PCNX4: variants seen among roughly 807,000 people sequenced by gnomAD.
The protein encoded by PCNX4 is pecanex-like protein 4.
A neutral mutation model predicts 107.2 loss-of-function variants in PCNX4; 103 were observed. The observed-to-expected ratio is 0.96, with a 90% CI of 0.82 to 1.13. The LOEUF (loss-of-function observed/expected upper bound fraction) is 1.13, where lower values mean the gene tolerates loss of function less well. Ranked by LOEUF, PCNX4 falls within the 50% of genes most tolerant of loss-of-function variation. The pLI is 0.00. For synonymous variants in PCNX4, 541 were observed against 481.7 expected (o/e 1.12, Z -1.61); for missense variants, 1,528 against 1,379.4 (o/e 1.11, Z -1.71).
In PCNX4 at chr14:60,141,800, G is replaced by C. The variant is rs1896308950; in HGVS notation, c.*7579G>C. The C allele has an allele frequency of 6.6e-6, 1 of 152,264 alleles. No individual in the cohort carries two copies. Among genetic ancestry groups the C allele is most frequent in the East Asian group, 1.9e-4 (1 of 5,188 alleles). The allele number at this position is 152,264 out of a possible 1,614,324, so 9.4% of individuals were successfully genotyped here. A position where few individuals can be genotyped will look rare whatever the true frequency, so the allele number is the denominator to read the frequency against. On this transcript the variant is annotated 3_prime_UTR_variant, in exon 11 of 11. Coordinates refer to ENST00000406854, the MANE Select transcript of PCNX4 (RefSeq NM_001330177.2). ...TGTTGATGGACATTTGTTGGTTCCA[G>C]TTTTGGGCTATTATGTAAAGCTGCT...
chr14:60,113,416 T>C (rs1189576919), intron 2 of PCNX4, among the ~76,000 whole-genome samples: 1 of 152,200 alleles, frequency 6.6e-6, no homozygotes, highest in Non-Finnish European at 1.5e-5. Flanking sequence ...TTGCCCAGGC[T>C]GGAGTGCAAT....
In PCNX4 at chr14:60,125,756, A is replaced by G. The variant is rs1042539355; in HGVS notation, c.3200A>G (p.Glu1067Gly). 1 of 1,611,892 alleles carries G rather than the reference A, an allele frequency of 6.2e-7. No homozygotes were observed. Among genetic ancestry groups the G allele is most frequent in the African/African-American group, 1.3e-5 (1 of 74,808 alleles). ...TGGTACATTGGTTTGGTATCTGATGAAAAGTGGAAGGAAGCAATTTTACAA... is the reference window on the plus strand; with the variant it reads ...TGGTACATTGGTTTGGTATCTGATGGAAAGTGGAAGGAAGCAATTTTACAA... ...RDWYIGLVSD[E>G]KWKEAILQEK... Residue 1067 changes from glutamate (E) to glycine (G), a missense_variant, in exon 10 of 11, where the codon GAA becomes GGA. Glu to Gly is a moderately conservative substitution (Grantham distance 98, BLOSUM62 -2). Coordinates refer to ENST00000406854, the MANE Select transcript of PCNX4 (RefSeq NM_001330177.2).
intron 10 of PCNX4, among the ~76,000 whole-genome samples, chr14:60,129,526 C>T (rs1896116677): frequency 6.6e-6 from 1 of 152,148 alleles, no homozygotes; most frequent in African/African-American, 2.4e-5. Context: ...GCACTCCATC[C>T]TAGGTGATGG....
chr14:60,132,021 A>G (rs1896163318), intron 10 of PCNX4, among the ~76,000 whole-genome samples: 1 of 152,224 alleles, frequency 6.6e-6, no homozygotes, highest in African/African-American at 2.4e-5. Flanking sequence ...TGCAACAATT[A>G]TTACCACAAA....
At chr14:60,107,525 T>A in intron 1 of PCNX4, 61 bp from the exon 2 acceptor site, 1 of 917,524 alleles carries the variant, frequency 1.1e-6, no homozygotes, top group East Asian at 2.6e-5. Context: ...TGTGAGGTTT[T>A]TCCTCATAGG....
At chr14:60,121,007 C>T (rs1895942585) in intron 7 of PCNX4, among the ~76,000 whole-genome samples, 189 bp from the exon 8 acceptor site, 1 of 151,982 alleles carries the variant, frequency 6.6e-6, no homozygotes, top group African/African-American at 2.4e-5. Flanking sequence ...TCCAACTGCT[C>T]TTGTAAAGAG....
At chr14:60,114,355 T>C (rs1368965485) in intron 2 of PCNX4, among the ~76,000 whole-genome samples, 2 of 152,254 alleles carry the variant, frequency 1.3e-5, no homozygotes, top group African/African-American at 4.8e-5. Flanking sequence ...ATGTTTTTGC[T>C]CTGGCCTCAG....
chr14:60,114,671 T>C, intron 2 of PCNX4, 29 bp from the exon 3 acceptor site: 1 of 1,570,086 alleles, frequency 6.4e-7, no homozygotes, highest in South Asian at 1.1e-5. Flanking sequence ...ATATTTCGTG[T>C]GATTTAAATG....
chr14:60,137,153 G>C lies in PCNX4; in HGVS notation c.*2932G>C, dbSNP rs1011669823. On this transcript the variant is annotated 3_prime_UTR_variant, in exon 11 of 11. Transcript: ENST00000406854. ...AATAACATCACTAAGATCTAAGACA[G>C]AATGAAACTTAGAGACCTGAGCTCA... 7 of 152,202 alleles carry C rather than the reference G, an allele frequency of 4.6e-5. No homozygotes were observed. Among genetic ancestry groups the C allele is most frequent in the Non-Finnish European group, 8.8e-5 (6 of 68,022 alleles). 9.4% of individuals were successfully genotyped at this position (152,202 alleles called of 1,614,324 possible). A position where few individuals can be genotyped will look rare whatever the true frequency, so the allele number is the denominator to read the frequency against.
rs1444033831 is a variant in PCNX4 at position 60,140,990 on chromosome 14, T to C, written c.*6769T>C. The C allele has an allele frequency of 6.6e-6, 1 of 152,166 alleles. No individual in the cohort carries two copies. Among genetic ancestry groups the C allele is most frequent in the Non-Finnish European group, 1.5e-5 (1 of 68,024 alleles). 9.4% of individuals were successfully genotyped at this position (152,166 alleles called of 1,614,324 possible). On this transcript the variant is annotated 3_prime_UTR_variant, in exon 11 of 11. Coordinates refer to ENST00000406854, the MANE Select transcript of PCNX4 (RefSeq NM_001330177.2). This position sits in a 1 kb window ranked among gnomAD's most constrained non-coding sequence, Gnocchi z 4.2. The stretch of plus-strand genomic sequence containing the variant: ...GCTATGTAAGTGGCCAAATACTGCA[T>C]AGGCAAGGGACAGGGAAAATTAATT...
chr14:60,147,278 C>T lies in PCNX4; in HGVS notation c.*13057C>T, dbSNP rs187824085. On this transcript the variant is annotated 3_prime_UTR_variant, in exon 11 of 11. Coordinates refer to ENST00000406854, the MANE Select transcript of PCNX4 (RefSeq NM_001330177.2). ...ATATTTTCAGTTATAAGATAAATAA[C>T]TTATGTTATTATAATTTACAGATTC... 6.6e-6 allele frequency: 1 copy of T among 151,922 alleles called. No individual in the cohort carries two copies. Among genetic ancestry groups the T allele is most frequent in the East Asian group, 1.9e-4 (1 of 5,178 alleles). 9.4% of individuals were successfully genotyped at this position (151,922 alleles called of 1,614,324 possible). A position where few individuals can be genotyped will look rare whatever the true frequency, so the allele number is the denominator to read the frequency against.
At chr14:60,095,077 G>A (rs1895397154) in intron 1 of PCNX4, among the ~76,000 whole-genome samples, 1 of 152,102 alleles carries the variant, frequency 6.6e-6, no homozygotes, top group Non-Finnish European at 1.5e-5. Context: ...AGATTTATTT[G>A]CCAAAGTTAA....
At chr14:60,103,498 G>T (rs1895572248) in intron 1 of PCNX4, among the ~76,000 whole-genome samples, 1 of 152,156 alleles carries the variant, frequency 6.6e-6, no homozygotes, top group Non-Finnish European at 1.5e-5. Flanking sequence ...ATATGATCCT[G>T]TATCTTTCAG....
At position 60,114,993 on chromosome 14, in the gene PCNX4, A is replaced by G; in HGVS notation, c.889A>G (p.Met297Val). The change falls in exon 4 of 11, where the codon ATG (methionine) becomes GTG (valine). Residue 297 changes from methionine (M) to valine (V), a missense_variant. Transcript: ENST00000406854. ...GTACAGGTTATTAGTAATGTTCATC[A>G]TGTCTGCTGGAACAGCTATAGCATC... is the stretch of plus-strand genomic sequence containing the variant. ...THLRLLVMFI[M>V]SAGTAIASYF... The G allele has an allele frequency of 3.1e-6, 5 of 1,601,556 alleles. No homozygotes were observed. In the South Asian group the frequency reaches 4.5e-5, roughly 14 times the overall value.
In PCNX4 at chr14:60,145,131, T is replaced by C; in HGVS notation, c.*10910T>C. ...ATTATGATTCACTATTAAGAATCTT[T>C]ACAAAAGTTCAGAAACTGCTTAAAT... On this transcript the variant is annotated 3_prime_UTR_variant, in exon 11 of 11. Coordinates refer to ENST00000406854, the MANE Select transcript of PCNX4 (RefSeq NM_001330177.2). This position sits in a 1 kb window ranked among gnomAD's most constrained non-coding sequence, Gnocchi z 4.0. The C allele has an allele frequency of 1.4e-6, 1 of 703,784 alleles. No individual in the cohort carries two copies. Among genetic ancestry groups the C allele is most frequent in the Non-Finnish European group, 2.2e-6 (1 of 456,556 alleles). 43.6% of individuals were successfully genotyped at this position (703,784 alleles called of 1,614,324 possible).
At chr14:60,107,367 A>C (rs1287217907) in intron 1 of PCNX4, among the ~76,000 whole-genome samples, 1 of 152,192 alleles carries the variant, frequency 6.6e-6, no homozygotes, top group African/African-American at 2.4e-5. Flanking sequence ...TGACAGAGTG[A>C]TACCCTCTCT....
At chr14:60,100,817 C>T (rs1007207242) in intron 1 of PCNX4, among the ~76,000 whole-genome samples, 21 of 152,114 alleles carry the variant, frequency 1.4e-4, no homozygotes, top group African/African-American at 4.6e-4. Context: ...ATGTTTTACC[C>T]AAAAATATAT....
At chr14:60,121,158 T>TTTG in intron 7 of PCNX4, 38 bp from the exon 8 acceptor site, 1 of 1,551,226 alleles carries the variant, frequency 6.4e-7, no homozygotes, top group East Asian at 2.3e-5. Context: ...TGAAAATGAT[T>TTTG]TTCTTTTTTT....
At chr14:60,122,145 C>G (rs987417409) in intron 8 of PCNX4, among the ~76,000 whole-genome samples, 1 of 152,134 alleles carries the variant, frequency 6.6e-6, no homozygotes, top group African/African-American at 2.4e-5. Flanking sequence ...TATCCCATCT[C>G]TTTTTACCAC....
Sources: gnomAD v4.1 joint callset for allele counts (sites outside exome capture counted in the v4.1 genomes callset) on GRCh38, gnomAD v4.1.1 for gene constraint, Gnocchi (gnomAD v3.1) non-coding constraint, MANE v1.5 for transcripts, NCBI Gene and HGNC (gene_info 2026-07-23, HGNC 2026-07-21) for gene names.